The following EFNA5 variants were observed in gnomAD, a reference collection of about 807,000 sequenced individuals.
EFNA5 encodes ephrin-A5.
Under a neutral mutation model 22.9 loss-of-function variants are expected in EFNA5, and 5 were observed. The observed-to-expected ratio is 0.22, with a 90% CI of 0.11 to 0.46. EFNA5 has a LOEUF of 0.46. EFNA5 is among the 20% of genes least tolerant of loss of function. The pLI is 0.99. For missense variants in EFNA5, 237 were observed against 293.3 expected (o/e 0.81, Z 1.40); for synonymous variants, 113 against 112.2 (o/e 1.01, Z -0.04).
At chr5:107,607,304 C>A (rs1352809995) in intron 1 of EFNA5, among the ~76,000 whole-genome samples, 1 of 152,184 alleles carries the variant, frequency 6.6e-6, no homozygotes, top group Non-Finnish European at 1.5e-5. Flanking sequence ...GAAGCACACT[C>A]GCACACACTT....
At chr5:107,593,125 T>A (rs1284190578) in intron 1 of EFNA5, among the ~76,000 whole-genome samples, 1 of 152,180 alleles carries the variant, frequency 6.6e-6, no homozygotes, top group Non-Finnish European at 1.5e-5. Context: ...TGGCTATACA[T>A]CAGCACCTGT....
intron 1 of EFNA5, among the ~76,000 whole-genome samples, chr5:107,513,419 T>G (rs1747414719): frequency 6.6e-6 from 1 of 152,168 alleles, no homozygotes; most frequent in South Asian, 2.1e-4. Context: ...TCAGAGCATG[T>G]CAGGAATGGG....
At chr5:107,606,533 C>T (rs927856754) in intron 1 of EFNA5, among the ~76,000 whole-genome samples, 5 of 133,110 alleles carry the variant, frequency 3.8e-5, no homozygotes, top group East Asian at 2.2e-4. Flanking sequence ...CACACTTGCA[C>T]GTACAACACA....
intron 1 of EFNA5, among the ~76,000 whole-genome samples, chr5:107,658,436 G>A (rs1028997221): frequency 6.6e-6 from 1 of 152,138 alleles, no homozygotes; most frequent in African/African-American, 2.4e-5. Context: ...ACCTTTGTTA[G>A]TGGTGTATTT....
At chr5:107,516,225 G>T (rs952212340) in intron 1 of EFNA5, among the ~76,000 whole-genome samples, 1 of 124,016 alleles carries the variant, frequency 8.1e-6, no homozygotes, top group Admixed American at 8.5e-5. Flanking sequence ...TTTTTGGACA[G>T]ACGAGTTTAC....
intron 1 of EFNA5, among the ~76,000 whole-genome samples, chr5:107,500,951 G>A (rs2112425258): frequency 6.6e-6 from 1 of 151,688 alleles, no homozygotes. Context: ...GAAGAAACCT[G>A]TGAACAAGTG....
intron 1 of EFNA5, among the ~76,000 whole-genome samples, chr5:107,505,254 A>T (rs1747225111): frequency 1.3e-5 from 2 of 152,222 alleles, no homozygotes; most frequent in African/African-American, 4.8e-5. Flanking sequence ...GCAATTTCAA[A>T]TAATATCAAA....
chr5:107,439,821 T>G (rs1229589472), intron 1 of EFNA5, among the ~76,000 whole-genome samples: 1 of 152,236 alleles, frequency 6.6e-6, no homozygotes, highest in Non-Finnish European at 1.5e-5. Flanking sequence ...AAAAGTCACA[T>G]ATTCCATTTT....
chr5:107,513,882 A>G (rs1015864363), intron 1 of EFNA5, among the ~76,000 whole-genome samples: 1 of 152,124 alleles, frequency 6.6e-6, no homozygotes, highest in African/African-American at 2.4e-5. Flanking sequence ...ATGTAAGCTG[A>G]TCTGTGTGAT....
intron 2 of EFNA5, among the ~76,000 whole-genome samples, chr5:107,394,288 C>T (rs542162744): frequency 1.3e-5 from 2 of 152,128 alleles, no homozygotes; most frequent in Admixed American, 1.3e-4. Flanking sequence ...AGACTTAAAT[C>T]ATGGGCAGGT....
chr5:107,568,740 G>A (rs1458988697), intron 1 of EFNA5, among the ~76,000 whole-genome samples: 1 of 152,192 alleles, frequency 6.6e-6, no homozygotes, highest in Non-Finnish European at 1.5e-5. Flanking sequence ...TGTAGGGTTT[G>A]AGCCTTGTGA....
chr5:107,518,747 C>A (rs1334809341), intron 1 of EFNA5, among the ~76,000 whole-genome samples: 4 of 152,160 alleles, frequency 2.6e-5, no homozygotes, highest in African/African-American at 9.7e-5. Context: ...AACACTAGTT[C>A]CTACAACGTA....
intron 1 of EFNA5, among the ~76,000 whole-genome samples, chr5:107,583,169 A>C: frequency 6.6e-6 from 1 of 152,334 alleles, no homozygotes; most frequent in South Asian, 2.1e-4. Flanking sequence ...TCTAACAAAA[A>C]GTGAGAGGAA....
rs1485990075 is a variant in EFNA5, at chr5:107,407,186, A to G, written c.419-19415T>C. 2.0e-5 allele frequency among the ~76,000 whole-genome samples: 3 copies of G among 152,174 alleles called. No homozygotes were observed. In the East Asian group the frequency reaches 5.8e-4, roughly 29 times the overall value. ...GATGATGGCAAACTATCAACCAAAC[A>G]TTGAGTCTAATGCAGGCCCTAGGTT... On this transcript the variant is annotated intron_variant, in intron 2 of 4. Coordinates refer to ENST00000333274, the MANE Select transcript of EFNA5 (RefSeq NM_001962.3).
intron 1 of EFNA5, among the ~76,000 whole-genome samples, chr5:107,509,342 G>A (rs1747316954): frequency 6.6e-6 from 1 of 150,442 alleles, no homozygotes; most frequent in South Asian, 2.1e-4. Flanking sequence ...TTTCTGAGGT[G>A]GAGTCTCACC....
At chr5:107,640,631 TCA>T (rs2112543730) in intron 1 of EFNA5, among the ~76,000 whole-genome samples, 1 of 152,282 alleles carries the variant, frequency 6.6e-6, no homozygotes, top group African/African-American at 2.4e-5. Flanking sequence ...AACAGAGAGA[TCA>T]TTCAGCTTCA....
chr5:107,488,636 G>GAC (rs370869580), intron 1 of EFNA5, among the ~76,000 whole-genome samples: 5 of 152,030 alleles, frequency 3.3e-5, no homozygotes, highest in East Asian at 1.9e-4. Flanking sequence ...TTCTTAAGAA[G>GAC]ACACACACAC....
At chr5:107,556,315 C>T (rs72791831) in intron 1 of EFNA5, among the ~76,000 whole-genome samples, 14,679 of 152,246 alleles carry the variant, frequency 0.096, 880 homozygotes, top group South Asian at 0.14. Flanking sequence ...TTAATCTGCA[C>T]AAGAGTCCTA....
Position 107,565,541 on chromosome 5 carries a change from A to G in EFNA5, c.125+104948T>C, listed in dbSNP as rs373799707. 2.6e-5 allele frequency among the ~76,000 whole-genome samples: 4 copies of G among 152,324 alleles called. 1 individual carries two copies. Among genetic ancestry groups the G allele is most frequent in the Admixed American group, 1.3e-4 (2 of 15,296 alleles). On this transcript the variant is annotated intron_variant, in intron 1 of 4. Coordinates refer to ENST00000333274, the MANE Select transcript of EFNA5 (RefSeq NM_001962.3). ...ATAAATTTAATTCAATCACATTACT[A>G]TGCTCCTACATTATGTTTTCATCAT...
Sources: gnomAD v4.1 joint callset for allele counts (sites outside exome capture counted in the v4.1 genomes callset) on GRCh38, gnomAD v4.1.1 for gene constraint, MANE v1.5 for transcripts, NCBI Gene and HGNC (gene_info 2026-07-23, HGNC 2026-07-21) for gene names.